The following SHQ1 variants were observed in gnomAD, a reference collection of about 807,000 sequenced individuals.
The protein encoded by SHQ1 is SHQ1, H/ACA ribonucleoprotein assembly factor, also known as protein SHQ1 homolog.
Under a neutral mutation model 53.8 loss-of-function variants are expected in SHQ1, and 49 were observed. The ratio of observed to expected loss-of-function variants is 0.91; its 90% CI spans 0.72 to 1.16. The LOEUF (loss-of-function observed/expected upper bound fraction) is 1.16. Ranked by LOEUF, SHQ1 falls within the 50% of genes most tolerant of loss-of-function variation. The probability of loss-of-function intolerance (pLI) is 0.00; values close to 1 mark genes in which losing one functional copy is unlikely to be tolerated. For synonymous variants in SHQ1, 243 were observed against 251.0 expected, an observed-to-expected ratio of 0.97 and a Z score of 0.30; for missense variants, 738 against 683.1, an observed-to-expected ratio of 1.08 and a Z score of -0.90.
chr3:72,840,749 G>T (rs996769994), intron 4 of SHQ1, among the ~76,000 whole-genome samples: 7 of 152,098 alleles, frequency 4.6e-5, no homozygotes, highest in African/African-American at 1.7e-4. Flanking sequence ...AAGCTTTGCA[G>T]GAAGTATGAG....
chr3:72,806,068 G>A (rs1430303486), intron 9 of SHQ1, among the ~76,000 whole-genome samples: 1 of 152,122 alleles, frequency 6.6e-6, no homozygotes, highest in African/African-American at 2.4e-5. Context: ...TCTATACAGA[G>A]TTATAAGTAT....
intron 1 of SHQ1, among the ~76,000 whole-genome samples, chr3:72,846,959 A>C (rs1708352714): frequency 6.6e-6 from 1 of 152,192 alleles, no homozygotes; most frequent in Non-Finnish European, 1.5e-5. Flanking sequence ...GCCTCCCCAG[A>C]AAGGCTTTTC....
intron 10 of SHQ1, among the ~76,000 whole-genome samples, chr3:72,782,910 G>A (rs962233492): frequency 1.3e-5 from 2 of 152,196 alleles, no homozygotes; most frequent in South Asian, 2.1e-4. Context: ...AAAATTCTAC[G>A]TGAAGTAGAG....
chr3:72,745,621 C>G (rs1419191421), downstream of SHQ1, among the ~76,000 whole-genome samples: 3 of 152,130 alleles, frequency 2.0e-5, no homozygotes, highest in African/African-American at 7.2e-5. Flanking sequence ...AGTGCCGGCT[C>G]CCCCAGCGAC....
downstream of SHQ1, among the ~76,000 whole-genome samples, chr3:72,748,083 A>AG: frequency 6.6e-6 from 1 of 151,890 alleles, no homozygotes; most frequent in Non-Finnish European, 1.5e-5. Flanking sequence ...TGAAAAACTC[A>AG]TAATTCATAA....
intron 9 of SHQ1, among the ~76,000 whole-genome samples, chr3:72,796,928 T>TA (rs60237295): frequency 0.17 from 20,884 of 119,746 alleles, 2,977 homozygotes; most frequent in African/African-American, 0.38. Flanking sequence ...CCTATTTTCT[T>TA]AAAAAAAAAA....
intron 4 of SHQ1, among the ~76,000 whole-genome samples, chr3:72,834,813 A>G (rs979515242): frequency 6.6e-6 from 1 of 152,184 alleles, no homozygotes; most frequent in African/African-American, 2.4e-5. Flanking sequence ...TCTGAACCTC[A>G]GCTTTCTTAC....
intron 10 of SHQ1, among the ~76,000 whole-genome samples, chr3:72,788,074 C>A (rs1321834978): frequency 1.3e-5 from 2 of 152,224 alleles, no homozygotes; most frequent in Admixed American, 6.5e-5. Context: ...CAACCTCAAC[C>A]TCCCAGCTGC....
At position 72,839,873 on chromosome 3, in the gene SHQ1, G is replaced by A. The variant is rs1231645172; in HGVS notation, c.486+1172C>T. ...CTTCCCGGGTTCAAGGGATTCTCCTGCCTCAGCCTCCTGAGTAGCTGGGAC... is the reference window on the plus strand; with the variant it reads ...CTTCCCGGGTTCAAGGGATTCTCCTACCTCAGCCTCCTGAGTAGCTGGGAC... On this transcript the variant is annotated intron_variant, in intron 4 of 10. Transcript: ENST00000325599. Among the ~76,000 whole-genome samples the A allele has an allele frequency of 2.0e-5, 3 of 151,886 alleles. No homozygotes were observed. The East Asian group carries it at 5.9e-4, about 30-fold the overall frequency.
intron 10 of SHQ1, chr3:72,773,126 T>C: frequency 1.3e-6 from 1 of 759,530 alleles, no homozygotes; most frequent in Admixed American, 1.9e-5. Flanking sequence ...GAGCTCAAAG[T>C]CATGAAGTTT....
the SHQ1 span, among the ~76,000 whole-genome samples, chr3:72,741,196 G>C: frequency 6.6e-6 from 1 of 152,168 alleles, no homozygotes; most frequent in Non-Finnish European, 1.5e-5. Flanking sequence ...CGGCCCTTGG[G>C]TCAAGTTCAA....
At chr3:72,776,655 T>C (rs1575685632) in intron 10 of SHQ1, among the ~76,000 whole-genome samples, 2 of 152,298 alleles carry the variant, frequency 1.3e-5, no homozygotes, top group African/African-American at 2.4e-5. Context: ...AAAAAAATTA[T>C]AAAATTTTAT....
At chr3:72,776,022 C>T (rs1705952091) in intron 10 of SHQ1, among the ~76,000 whole-genome samples, 1 of 151,628 alleles carries the variant, frequency 6.6e-6, no homozygotes, top group Non-Finnish European at 1.5e-5. Flanking sequence ...GGGCCTAGGC[C>T]AGTGCAATAA....
chr3:72,763,869 G>A (rs911790062), intron 10 of SHQ1, among the ~76,000 whole-genome samples: 30 of 152,188 alleles, frequency 2.0e-4, no homozygotes, highest in African/African-American at 6.8e-4. Context: ...ATAAAGGTCT[G>A]TGGTTTTAAG....
chr3:72,847,749 G>A (rs1029268004), intron 1 of SHQ1, among the ~76,000 whole-genome samples: 1 of 152,134 alleles, frequency 6.6e-6, no homozygotes, highest in African/African-American at 2.4e-5. Context: ...ACAGACAAGA[G>A]ATAGATCAAC....
chr3:72,847,690 G>A (rs891499444), intron 1 of SHQ1, among the ~76,000 whole-genome samples: 1 of 152,074 alleles, frequency 6.6e-6, no homozygotes, highest in African/African-American at 2.4e-5. Context: ...AGGCTAATTT[G>A]GTGTCAAGAG....
chr3:72,807,637 T>C (rs1706991335), intron 9 of SHQ1, among the ~76,000 whole-genome samples: 1 of 152,302 alleles, frequency 6.6e-6, no homozygotes, highest in African/African-American at 2.4e-5. Context: ...ATGTAAATAT[T>C]AAAAAGAAAT....
chr3:72,828,724 A>G (rs1357288702), intron 5 of SHQ1, among the ~76,000 whole-genome samples: 2 of 152,132 alleles, frequency 1.3e-5, no homozygotes, highest in Non-Finnish European at 2.9e-5. Flanking sequence ...GCCGTGTGGT[A>G]TAGGTGGGGA....
rs755339401 is a variant in SHQ1, at chr3:72,824,534, T to C, written c.617A>G (p.Asp206Gly). The C allele has an allele frequency of 1.5e-5, 24 of 1,608,648 alleles. No individual in the cohort carries two copies. The highest frequency in any genetic ancestry group is 1.9e-5 in the Non-Finnish European group (22 of 1,178,370). The part of the protein sequence containing the change: ...PDHYLADFFE[D>G]EAIEQILKYN... ...CTTCAAAATCTGTTCAATCGCCTCATCTTCAAAAAAGTCAGCTCTAGGAAA... is the reference window on the plus strand; with the variant it reads ...CTTCAAAATCTGTTCAATCGCCTCACCTTCAAAAAAGTCAGCTCTAGGAAA... The change falls in exon 6 of 11, where the codon GAT (aspartate) becomes GGT (glycine). Residue 206 changes from aspartate to glycine, a missense_variant. Coordinates refer to ENST00000325599, the MANE Select transcript of SHQ1 (RefSeq NM_018130.3).
Sources: allele counts gnomAD v4.1 joint callset (sites outside exome capture counted in the v4.1 genomes callset), GRCh38; gene constraint gnomAD v4.1.1; transcripts MANE v1.5; gene names NCBI Gene and HGNC (gene_info 2026-07-23, HGNC 2026-07-21).